LGR4: variants seen among roughly 807,000 people sequenced by gnomAD.
LGR4 encodes leucine rich repeat containing G protein-coupled receptor 4.
In LGR4, 44 loss-of-function variants were observed where a neutral mutation model predicts 84.8. The observed-to-expected ratio is 0.52, with a 90% CI of 0.41 to 0.67. The LOEUF is 0.67. Ranked by LOEUF, LGR4 falls within the 30% of genes least tolerant of loss-of-function variation. The pLI, the probability that LGR4 is intolerant of heterozygous loss-of-function variation, is 0.00. For missense variants in LGR4, 1,032 were observed against 1,131.4 expected, an observed-to-expected ratio of 0.91 and a Z score of 1.26; for synonymous variants, 429 against 434.3, an observed-to-expected ratio of 0.99 and a Z score of 0.15.
chr11:27,471,762 G>C (rs1239136621), intron 1 of LGR4: 2 of 170,736 alleles, frequency 1.2e-5, no homozygotes, highest in Non-Finnish European at 2.5e-5. Flanking sequence ...GAGAAGGGAA[G>C]GTCGCGTGGA....
intron 1 of LGR4, among the ~76,000 whole-genome samples, chr11:27,454,651 C>T (rs2133448143): frequency 6.6e-6 from 1 of 151,740 alleles, no homozygotes; most frequent in South Asian, 2.1e-4. Flanking sequence ...ATCCCAGCTA[C>T]ATCAGGGGCT....
intron 2 of LGR4, among the ~76,000 whole-genome samples, chr11:27,403,647 A>T (rs528759062): frequency 2.6e-5 from 4 of 152,344 alleles, no homozygotes; most frequent in Admixed American, 6.5e-5. Context: ...TTTTTAAAGG[A>T]AATTGTATAC....
At chr11:27,401,812 A>C (rs977942568) in intron 2 of LGR4, among the ~76,000 whole-genome samples, 4 of 152,210 alleles carry the variant, frequency 2.6e-5, no homozygotes, top group African/African-American at 9.6e-5. Flanking sequence ...GTCATATAGA[A>C]GTGTGACAAC....
In LGR4 at chr11:27,367,318, CTT is replaced by C. The variant is rs1386413095; in HGVS notation, c.*547_*548del. The C allele has an allele frequency of 1.3e-5, 2 of 152,536 alleles. No individual in the cohort carries two copies. The highest frequency in any genetic ancestry group is 4.8e-5 in the African/African-American group (2 of 41,444). The allele number at this position is 152,536 out of a possible 1,614,324, so 9.4% of individuals were successfully genotyped here. On this transcript the variant is annotated 3_prime_UTR_variant, in exon 18 of 18. Transcript: ENST00000379214. Reference sequence around the variant, plus strand: ...TTGCTTAAACAAAATTTATAGTTCTCTTATGTCAAGGATGGCAAGTGAAAACA... The same window carrying C: ...TTGCTTAAACAAAATTTATAGTTCTCATGTCAAGGATGGCAAGTGAAAACA...
chr11:27,453,213 C>T (rs1165776902), intron 1 of LGR4, among the ~76,000 whole-genome samples: 6 of 151,952 alleles, frequency 3.9e-5, no homozygotes, highest in South Asian at 2.1e-4. Context: ...GGATTACAGG[C>T]GCCTGCCACC....
At chr11:27,433,627 TATC>T (rs1864155954) in intron 1 of LGR4, among the ~76,000 whole-genome samples, 1 of 152,166 alleles carries the variant, frequency 6.6e-6, no homozygotes. Flanking sequence ...TATACCCTAT[TATC>T]ATGTAAGCGG....
chr11:27,381,247 G>A (rs1863086804), intron 7 of LGR4, among the ~76,000 whole-genome samples: 1 of 152,122 alleles, frequency 6.6e-6, no homozygotes, highest in African/African-American at 2.4e-5. Flanking sequence ...ATGAGAAACA[G>A]GTGTTCTAAC....
intron 1 of LGR4, among the ~76,000 whole-genome samples, chr11:27,458,540 A>G (rs1240982016): frequency 7.9e-5 from 12 of 151,618 alleles, no homozygotes. Context: ...TAATTTTTTT[A>G]AGTATTTTTT....
intron 2 of LGR4, among the ~76,000 whole-genome samples, chr11:27,395,146 G>A (rs1156608429): frequency 6.6e-6 from 1 of 152,122 alleles, no homozygotes; most frequent in Admixed American, 6.6e-5. Flanking sequence ...AAAGCCATAA[G>A]AGGCAGTAGC....
chr11:27,416,127 G>A (rs890443593), intron 1 of LGR4, among the ~76,000 whole-genome samples: 5 of 152,004 alleles, frequency 3.3e-5, no homozygotes, highest in Non-Finnish European at 7.4e-5. Flanking sequence ...GTAATAAATC[G>A]CAGGATTTCA....
Position 27,385,468 on chromosome 11 carries a change from C to T in LGR4, c.402G>A (p.Leu134=). ...AGGTAATATGGTTGGCATCTAAACG[C>T]CTAACAGAAACAAAAACAACCATGT... is the stretch of plus-strand genomic sequence containing the variant. ...AIRGLSALQS[L]RLDANHITSV... Residue 134 remains leucine, a splice_region_variant and synonymous_variant, in exon 5 of 18, where the codon TTG becomes TTA. Transcript: ENST00000379214. 1 of 1,589,110 alleles carries T rather than the reference C, an allele frequency of 6.3e-7. No homozygotes were observed. The highest frequency in any genetic ancestry group is 8.6e-7 in the Non-Finnish European group (1 of 1,166,022).
Position 27,368,811 on chromosome 11 carries a change from G to C in LGR4, c.1912C>G (p.Leu638Val). The C allele has an allele frequency of 1.2e-6, 2 of 1,614,070 alleles. No homozygotes were observed. Among genetic ancestry groups the C allele is most frequent in the South Asian group, 2.2e-5 (2 of 91,072 alleles). Residue 638 changes from leucine (L) to valine (V), a missense_variant, in exon 18 of 18, where the codon CTA (leucine) becomes GTA (valine). Leu to Val is a conservative substitution (Grantham distance 32). Transcript: ENST00000379214. ...SSESAIFLLM[L>V]ATVERSLSAK... ...GATAAGCTTCTTTCGACAGTTGCTA[G>C]CATTAATAAAAATATGGCACTTTCT...
At chr11:27,371,103 G>C (rs1221110066) in intron 17 of LGR4, among the ~76,000 whole-genome samples, 1 of 152,078 alleles carries the variant, frequency 6.6e-6, no homozygotes, top group Admixed American at 6.6e-5. Flanking sequence ...CACACAATTT[G>C]ACTAAAATAT....
At chr11:27,376,945 C>G (rs532347461) in intron 12 of LGR4, among the ~76,000 whole-genome samples, 145 of 152,224 alleles carry the variant, frequency 9.5e-4, no homozygotes, top group African/African-American at 3.4e-3. Flanking sequence ...AACTCCCCCC[C>G]GCATAGCGTT....
chr11:27,449,638 A>G (rs1458528359), intron 1 of LGR4, among the ~76,000 whole-genome samples: 3 of 151,996 alleles, frequency 2.0e-5, no homozygotes, highest in South Asian at 2.1e-4. Flanking sequence ...AGAAAAAAAA[A>G]AGAAGAAGAC....
intron 1 of LGR4, among the ~76,000 whole-genome samples, chr11:27,432,065 G>A (rs1237731535): frequency 6.6e-6 from 1 of 152,124 alleles, no homozygotes; most frequent in Non-Finnish European, 1.5e-5. Flanking sequence ...GCAAATTCTT[G>A]GCCCTGGTGG....
At chr11:27,391,067 G>A (rs1863275754) in intron 4 of LGR4, 27 bp downstream of exon 4, 6 of 1,360,442 alleles carry the variant, frequency 4.4e-6, no homozygotes, top group Non-Finnish European at 5.2e-6. Context: ...GTCTCTTGGT[G>A]AGTCAAGAAA....
rs558270423 is a variant in LGR4, at chr11:27,388,177, A to G, written c.402-2709T>C. On this transcript the variant is annotated intron_variant, in intron 4 of 17. Coordinates refer to ENST00000379214, the MANE Select transcript of LGR4 (RefSeq NM_018490.5). ...CTCTTAAATAAGAGGTTAAATGAGA[A>G]AAACGATTTGTGATGACTCAAATGG... Among the ~76,000 whole-genome samples, 92 of 152,310 alleles carry G rather than the reference A, an allele frequency of 6.0e-4. 1 individual carries two copies. Among genetic ancestry groups the G allele is most frequent in the African/African-American group, 2.1e-3 (89 of 41,586 alleles).
intron 1 of LGR4, among the ~76,000 whole-genome samples, chr11:27,468,715 A>G (rs183043586): frequency 0.022 from 3,287 of 151,724 alleles, 73 homozygotes; most frequent in Middle Eastern, 0.062. Flanking sequence ...AAAAAAAAAA[A>G]AGTGAATGAC....
Sources: allele counts gnomAD v4.1 joint callset (sites outside exome capture counted in the v4.1 genomes callset), GRCh38; gene constraint gnomAD v4.1.1; transcripts MANE v1.5; gene names NCBI Gene and HGNC (gene_info 2026-07-23, HGNC 2026-07-21).